RAD17: variants seen among roughly 807,000 people sequenced by gnomAD.
The protein encoded by RAD17 is cell cycle checkpoint protein RAD17.
In RAD17, 31 loss-of-function variants were observed where a neutral mutation model predicts 81.5. That is an observed-to-expected ratio of 0.38 (90% confidence interval 0.29 to 0.51). The LOEUF (loss-of-function observed/expected upper bound fraction) is 0.51, where lower values mean the gene tolerates loss of function less well. Ranked by LOEUF, RAD17 falls within the 20% of genes least tolerant of loss-of-function variation. RAD17 has a pLI of 0.88. For missense variants in RAD17, 681 were observed against 781.2 expected, an observed-to-expected ratio of 0.87 and a Z score of 1.53; for synonymous variants, 261 against 266.2, an observed-to-expected ratio of 0.98 and a Z score of 0.19.
chr5:69,401,610 G>A (rs1038922216), intron 17 of RAD17, among the ~76,000 whole-genome samples: 1 of 152,044 alleles, frequency 6.6e-6, no homozygotes, highest in Non-Finnish European at 1.5e-5. Context: ...GGCAAAAATG[G>A]GATAACTTTT....
chr5:69,400,282 A>G, intron 17 of RAD17, 113 bp downstream of exon 17: 1 of 697,754 alleles, frequency 1.4e-6, no homozygotes, highest in South Asian at 4.6e-5. Flanking sequence ...CGGTGGCACG[A>G]TCTCGGCTCA....
chr5:69,408,656 A>G (rs963459299), intron 17 of RAD17, among the ~76,000 whole-genome samples: 8 of 151,870 alleles, frequency 5.3e-5, no homozygotes, highest in African/African-American at 1.9e-4. Context: ...GACTACAGGC[A>G]TGTGCCACCA....
intron 6 of RAD17, among the ~76,000 whole-genome samples, chr5:69,377,445 A>ATATATATATATATATG (rs1561238562): frequency 8.2e-4 from 7 of 8,492 alleles, no homozygotes; most frequent in South Asian, 4.7e-3. Context: ...GTGTGTATAT[A>ATATATATATATATATG]TATATATATA....
intron 6 of RAD17, among the ~76,000 whole-genome samples, chr5:69,377,528 TGTATATATAC>T (rs1763474547): frequency 1.4e-5 from 1 of 71,308 alleles, no homozygotes; most frequent in Non-Finnish European, 2.7e-5. Flanking sequence ...TATATATATG[TGTATATATAC>T]GTATATATAT....
At position 69,402,654 on chromosome 5, in the gene RAD17, C is replaced by A. The variant is rs371583520; in HGVS notation, c.1693+2485C>A. Among the ~76,000 whole-genome samples, 919 of 123,404 alleles carry A rather than the reference C, an allele frequency of 7.4e-3. 1 individual carries two copies. The highest frequency in any genetic ancestry group is 8.0e-3 in the South Asian group (31 of 3,884). The allele number at this position is 123,404 out of a possible 152,430, so 81.0% of individuals were successfully genotyped here. On this transcript the variant is annotated intron_variant, in intron 17 of 18. Coordinates refer to ENST00000354868, the MANE Select transcript of RAD17 (RefSeq NM_133338.3). ...TGGGAGACAGAGTGAGACTCTGTCTCAAAAAAAAAAAAAAATTATTTTAAA... is the reference window on the plus strand; with the variant it reads ...TGGGAGACAGAGTGAGACTCTGTCTAAAAAAAAAAAAAAAATTATTTTAAA...
rs1763047349 is a variant in RAD17 at position 69,372,163 on chromosome 5, G to C, written c.-46G>C. ...CATACTCTCAAAAATATAGAGGAAA[G>C]GGGCCAAGATTATAGTACCAGTCAC... On this transcript the variant is annotated 5_prime_UTR_variant, in exon 4 of 19. Transcript: ENST00000354868. 6.3e-7 allele frequency: 1 copy of C among 1,593,822 alleles called. No homozygotes were observed. The highest frequency in any genetic ancestry group is 1.3e-5 in the African/African-American group (1 of 74,276).
chr5:69,396,684 C>A, intron 16 of RAD17, 138 bp downstream of exon 16: 1 of 991,420 alleles, frequency 1.0e-6, no homozygotes, highest in Non-Finnish European at 1.4e-6. Context: ...TTGCTAAGGT[C>A]CACAATTAGA....
chr5:69,395,585 T>C (rs139846818), intron 15 of RAD17, among the ~76,000 whole-genome samples: 3 of 152,174 alleles, frequency 2.0e-5, no homozygotes, highest in Non-Finnish European at 2.9e-5. Flanking sequence ...CTTGAGGTAA[T>C]GGATACCCCA....
At position 69,372,098 on chromosome 5, in the gene RAD17, G is replaced by A; in HGVS notation, c.-111G>A. 1 of 1,448,134 alleles carries A rather than the reference G, an allele frequency of 6.9e-7. No individual in the cohort carries two copies. Among genetic ancestry groups the A allele is most frequent in the Non-Finnish European group, 9.3e-7 (1 of 1,072,778 alleles). 89.7% of individuals were successfully genotyped at this position (1,448,134 alleles called of 1,614,324 possible). On this transcript the variant is annotated 5_prime_UTR_variant, in exon 4 of 19. Coordinates refer to ENST00000354868, the MANE Select transcript of RAD17 (RefSeq NM_133338.3). ...AAATGTATAAATAATTTGCAAATCA[G>A]AATTGCTGTCGAAAGTTTTACTATA...
chr5:69,369,662 T>C (rs1440617956), upstream of RAD17: 3 of 1,558,670 alleles, frequency 1.9e-6, no homozygotes, highest in Non-Finnish European at 2.6e-6. Context: ...GTTACCTGGC[T>C]TTCGATGACA....
intron 11 of RAD17, among the ~76,000 whole-genome samples, chr5:69,386,975 A>C (rs554025966): frequency 6.9e-6 from 1 of 144,960 alleles, no homozygotes; most frequent in Non-Finnish European, 1.5e-5. Context: ...CTCAGGCTGG[A>C]CTGCAGTGGC....
chr5:69,389,158 G>T lies in RAD17; in HGVS notation c.1006+13G>T. 6.7e-7 allele frequency: 1 copy of T among 1,495,000 alleles called. No individual in the cohort carries two copies. The allele number at this position is 1,495,000 out of a possible 1,614,324, so 92.6% of individuals were successfully genotyped here. A position where few individuals can be genotyped will look rare whatever the true frequency, so the allele number is the denominator to read the frequency against. ...TCTTCTTCAAAAGGTAACTATGGAAGATACAGTCATGTGGCATTATATAGG... is the reference window on the plus strand; with the variant it reads ...TCTTCTTCAAAAGGTAACTATGGAATATACAGTCATGTGGCATTATATAGG... On this transcript the variant is annotated intron_variant, in intron 12 of 18. Coordinates refer to ENST00000354868, the MANE Select transcript of RAD17 (RefSeq NM_133338.3).
Position 69,371,026 on chromosome 5 carries a change from C to A in RAD17, c.-416-9C>A, listed in dbSNP as rs1256530751. ...TTTACAGTTTAAGACTTAAATTCTT[C>A]GTCCACAGCAAGTGAATTCATGGTA... On this transcript the variant is annotated splice_polypyrimidine_tract_variant and intron_variant, in intron 1 of 18. Coordinates refer to ENST00000354868, the MANE Select transcript of RAD17 (RefSeq NM_133338.3). The A allele has an allele frequency of 2.7e-5, 7 of 263,504 alleles. No individual in the cohort carries two copies. The highest frequency in any genetic ancestry group is 2.6e-4 in the South Asian group (7 of 27,422). 16.3% of individuals were successfully genotyped at this position (263,504 alleles called of 1,614,324 possible).
Position 69,393,141 on chromosome 5 carries a change from G to A in RAD17, c.1190-14G>A. 6.4e-7 allele frequency: 1 copy of A among 1,565,606 alleles called. No individual in the cohort carries two copies. The highest frequency in any genetic ancestry group is 8.7e-7 in the Non-Finnish European group (1 of 1,144,676). ...GAAGGTATTATCTTTAATAATTCCA[G>A]AAATTTTTTATAGGAGCATCTTTAA... is the stretch of plus-strand genomic sequence containing the variant. On this transcript the variant is annotated splice_polypyrimidine_tract_variant and intron_variant, in intron 13 of 18. Coordinates refer to ENST00000354868, the MANE Select transcript of RAD17 (RefSeq NM_133338.3).
intron 6 of RAD17, among the ~76,000 whole-genome samples, chr5:69,381,513 G>C (rs1382655580): frequency 6.6e-6 from 1 of 151,814 alleles, no homozygotes; most frequent in African/African-American, 2.4e-5. Flanking sequence ...TATGAGTTCA[G>C]GTAACCTCTA....
chr5:69,391,867 CTT>C lies in RAD17; in HGVS notation c.1045_1046del (p.Leu349LysfsTer16). 6.4e-7 allele frequency: 1 copy of C among 1,573,280 alleles called. No individual in the cohort carries two copies. The highest frequency in any genetic ancestry group is 8.6e-7 in the Non-Finnish European group (1 of 1,166,892). On this transcript the variant is annotated frameshift_variant, in exon 13 of 19. Transcript: ENST00000354868. LOFTEE classifies it high-confidence loss of function. The stretch of plus-strand genomic sequence containing the variant: ...TTACGGCCAAGGAAAAAAGGAATGT[CTT>C]TAAAATCAGATGCTGTGCTGTCAAA...
chr5:69,390,734 G>A (rs901185770), intron 12 of RAD17, among the ~76,000 whole-genome samples: 1 of 151,322 alleles, frequency 6.6e-6, no homozygotes, highest in Non-Finnish European at 1.5e-5. Flanking sequence ...GTGGAAGAAA[G>A]CTTCAACCTC....
At chr5:69,375,968 T>C (rs1356267548) in intron 6 of RAD17, among the ~76,000 whole-genome samples, 3 of 152,222 alleles carry the variant, frequency 2.0e-5, no homozygotes, top group African/African-American at 7.2e-5. Flanking sequence ...CTCCTAATAA[T>C]GATTAACTTA....
At chr5:69,407,693 C>T (rs145193504) in intron 17 of RAD17, among the ~76,000 whole-genome samples, 2 of 150,372 alleles carry the variant, frequency 1.3e-5, no homozygotes, top group South Asian at 2.2e-4. Context: ...TCTCCTGCCT[C>T]AACCCCCTGA....
Sources: gnomAD v4.1 joint callset for allele counts (sites outside exome capture counted in the v4.1 genomes callset) on GRCh38, gnomAD v4.1.1 for gene constraint, MANE v1.5 for transcripts, NCBI Gene and HGNC (gene_info 2026-07-23, HGNC 2026-07-21) for gene names.